The following KIAA0319L variants were observed in gnomAD, a reference collection of about 807,000 sequenced individuals.
KIAA0319L encodes KIAA0319 like.
In KIAA0319L, 55 loss-of-function variants were observed where a neutral mutation model predicts 120.1. The ratio of observed to expected loss-of-function variants is 0.46; its 90% confidence interval spans 0.37 to 0.57. The LOEUF (loss-of-function observed/expected upper bound fraction) is 0.57. Ranked by LOEUF, KIAA0319L falls within the 20% of genes least tolerant of loss-of-function variation. The pLI, the probability that KIAA0319L is intolerant of heterozygous loss-of-function variation, is 0.00. For synonymous variants in KIAA0319L, 398 were observed against 471.9 expected (o/e 0.84, Z 2.03); for missense variants, 1,049 against 1,255.3 (o/e 0.84, Z 2.48).
chr1:35,548,824 G>A (rs1054969057), intron 2 of KIAA0319L, among the ~76,000 whole-genome samples: 1 of 151,890 alleles, frequency 6.6e-6, no homozygotes, highest in Non-Finnish European at 1.5e-5. Flanking sequence ...TAAACTGCTT[G>A]TGGAGTTTCT....
chr1:35,523,850 G>T (rs140436437), intron 2 of KIAA0319L, among the ~76,000 whole-genome samples: 203 of 152,280 alleles, frequency 1.3e-3, no homozygotes, highest in African/African-American at 4.7e-3. Flanking sequence ...TCACTAATAA[G>T]TCTAAGTATA....
intron 3 of KIAA0319L, among the ~76,000 whole-genome samples, chr1:35,486,838 G>A (rs994678636): frequency 3.3e-5 from 5 of 151,942 alleles, no homozygotes; most frequent in East Asian, 3.9e-4. Flanking sequence ...TTGAGCCCAC[G>A]AGTTTGAGGC....
intron 9 of KIAA0319L, among the ~76,000 whole-genome samples, chr1:35,457,793 G>C (rs949171230): frequency 3.3e-5 from 5 of 152,060 alleles, no homozygotes; most frequent in African/African-American, 1.2e-4. Context: ...GGGGATTTTT[G>C]GTATTACAGC....
intron 2 of KIAA0319L, among the ~76,000 whole-genome samples, chr1:35,517,165 T>C (rs12034327): frequency 6.6e-6 from 1 of 152,088 alleles, no homozygotes; most frequent in Admixed American, 6.6e-5. Context: ...ATGCTATACC[T>C]ATCAAACTAC....
At chr1:35,496,003 A>C (rs1307585974) in intron 3 of KIAA0319L, among the ~76,000 whole-genome samples, 2 of 152,198 alleles carry the variant, frequency 1.3e-5, no homozygotes, top group African/African-American at 2.4e-5. Context: ...AAAAAGATTC[A>C]CCATACCAAG....
At chr1:35,490,952 T>C (rs1244451773) in intron 3 of KIAA0319L, among the ~76,000 whole-genome samples, 1 of 152,232 alleles carries the variant, frequency 6.6e-6, no homozygotes, top group Admixed American at 6.5e-5. Flanking sequence ...CCCCTTTGCC[T>C]TCCACCATGA....
intron 2 of KIAA0319L, among the ~76,000 whole-genome samples, chr1:35,541,516 A>C (rs1646792030): frequency 6.6e-6 from 1 of 151,734 alleles, no homozygotes; most frequent in African/African-American, 2.4e-5. Flanking sequence ...CACCTGGCTA[A>C]TTTTTGTATT....
At chr1:35,535,930 T>C (rs1478815046) in intron 2 of KIAA0319L, among the ~76,000 whole-genome samples, 6 of 152,236 alleles carry the variant, frequency 3.9e-5, no homozygotes, top group African/African-American at 9.6e-5. Flanking sequence ...AGGAGCTTTC[T>C]TGTTAATTTT....
intron 2 of KIAA0319L, among the ~76,000 whole-genome samples, chr1:35,553,231 T>C (rs1647420120): frequency 6.6e-6 from 1 of 152,166 alleles, no homozygotes; most frequent in Non-Finnish European, 1.5e-5. Context: ...ATCTCTTTTT[T>C]TTAAAGAAGT....
At chr1:35,512,538 GA>G (rs1339342655) in intron 2 of KIAA0319L, among the ~76,000 whole-genome samples, 3 of 151,358 alleles carry the variant, frequency 2.0e-5, no homozygotes, top group Non-Finnish European at 3.0e-5. Flanking sequence ...CTGACCACGG[GA>G]AAAAAAAGGA....
At chr1:35,449,815 T>C in intron 15 of KIAA0319L, 52 bp downstream of exon 15, 1 of 1,605,532 alleles carries the variant, frequency 6.2e-7, no homozygotes. Context: ...GATAGAGGCC[T>C]TGATTGGCTG....
Position 35,440,770 on chromosome 1 carries a change from C to T in KIAA0319L, c.2962+277G>A, listed in dbSNP as rs1442244535. 5 of 454,566 alleles carry T rather than the reference C, an allele frequency of 1.1e-5. 1 individual carries two copies. The East Asian group carries it at 1.9e-4, about 17-fold the overall frequency. The allele number at this position is 454,566 out of a possible 1,614,324, so 28.2% of individuals were successfully genotyped here. A position where few individuals can be genotyped will look rare whatever the true frequency, so the allele number is the denominator to read the frequency against. Reference sequence around the variant, plus strand: ...ACCTGGGGCAGTTGGAAAAGCGGAACTCCAGGTGGGAAACATGAGGAGAAT... The same window carrying T: ...ACCTGGGGCAGTTGGAAAAGCGGAATTCCAGGTGGGAAACATGAGGAGAAT... On this transcript the variant is annotated intron_variant, in intron 20 of 20. Coordinates refer to ENST00000325722, the MANE Select transcript of KIAA0319L (RefSeq NM_024874.5).
intron 3 of KIAA0319L, among the ~76,000 whole-genome samples, chr1:35,489,511 G>C (rs530453065): frequency 6.6e-6 from 1 of 152,180 alleles, no homozygotes; most frequent in South Asian, 2.1e-4. Flanking sequence ...AGCTGAACTG[G>C]AAGTCTGGGA....
At chr1:35,503,821 A>T (rs1429860404) in intron 3 of KIAA0319L, among the ~76,000 whole-genome samples, 2 of 152,032 alleles carry the variant, frequency 1.3e-5, no homozygotes, top group Non-Finnish European at 2.9e-5. Flanking sequence ...TGAAGACAAT[A>T]AGGATGCCTA....
At chr1:35,469,748 A>C (rs1029078735) in intron 6 of KIAA0319L, among the ~76,000 whole-genome samples, 1 of 151,876 alleles carries the variant, frequency 6.6e-6, no homozygotes. Context: ...ACTAGACTCT[A>C]TTGTTCTTGA....
chr1:35,508,182 G>C (rs1197357139), intron 2 of KIAA0319L, among the ~76,000 whole-genome samples: 1 of 152,164 alleles, frequency 6.6e-6, no homozygotes, highest in African/African-American at 2.4e-5. Context: ...TCCAGCAAAG[G>C]GTTGGCTCAC....
chr1:35,551,062 G>A (rs183287581), intron 2 of KIAA0319L, among the ~76,000 whole-genome samples: 66 of 152,202 alleles, frequency 4.3e-4, no homozygotes, highest in Admixed American at 2.8e-3. Flanking sequence ...GAATTAAGTC[G>A]AAAAATATGA....
At chr1:35,461,103 C>T (rs1279680888) in intron 8 of KIAA0319L, among the ~76,000 whole-genome samples, 1 of 152,140 alleles carries the variant, frequency 6.6e-6, no homozygotes, top group Non-Finnish European at 1.5e-5. Context: ...TGAAATTATA[C>T]ATCTATATGA....
In KIAA0319L at chr1:35,441,814, TAA is replaced by T. The variant is rs1478406502; in HGVS notation, c.2870+430_2870+431del. ...ACAGGACGCCTGAGCCTGGCTAGCC[TAA>T]AGTGCATGTGTGGAAACATGCACAC... On this transcript the variant is annotated intron_variant, in intron 19 of 20. Coordinates refer to ENST00000325722, the MANE Select transcript of KIAA0319L (RefSeq NM_024874.5). Among the ~76,000 whole-genome samples, 7 of 152,220 alleles carry T rather than the reference TAA, an allele frequency of 4.6e-5. No individual in the cohort carries two copies. The East Asian group carries it at 1.4e-3, about 29-fold the overall frequency.
Sources: gnomAD v4.1 joint callset for allele counts (sites outside exome capture counted in the v4.1 genomes callset) on GRCh38, gnomAD v4.1.1 for gene constraint, MANE v1.5 for transcripts, NCBI Gene and HGNC (gene_info 2026-07-23, HGNC 2026-07-21) for gene names.